The following CRYZL1 variants were observed in gnomAD, a reference collection of about 807,000 sequenced individuals.
CRYZL1 encodes the protein crystallin zeta like 1, also known as ferry endosomal RAB5 effector complex subunit 4.
Under a neutral mutation model 50.6 loss-of-function variants are expected in CRYZL1, and 34 were observed. The observed-to-expected ratio is 0.67, with a 90% CI of 0.51 to 0.89. The LOEUF (loss-of-function observed/expected upper bound fraction) is 0.89, where lower values mean the gene tolerates loss of function less well. Ranked by LOEUF, CRYZL1 falls within the 40% of genes least tolerant of loss-of-function variation. The probability of loss-of-function intolerance (pLI) is 0.00; values close to 1 mark genes in which losing one functional copy is unlikely to be tolerated. For synonymous variants in CRYZL1, 125 were observed against 134.3 expected, an observed-to-expected ratio of 0.93 and a Z score of 0.48; for missense variants, 354 against 402.3, an observed-to-expected ratio of 0.88 and a Z score of 1.03.
intron 6 of CRYZL1, among the ~76,000 whole-genome samples, chr21:33,608,567 T>A (rs898421367): frequency 1.3e-5 from 2 of 152,218 alleles, no homozygotes; most frequent in Admixed American, 6.5e-5. Flanking sequence ...GCCACCATTC[T>A]ACTCTCTGCC....
intron 1 of CRYZL1, chr21:33,639,669 C>T (rs1235276643): frequency 1.3e-5 from 2 of 152,222 alleles, no homozygotes; most frequent in Non-Finnish European, 2.9e-5. Flanking sequence ...TGTAGAGAAA[C>T]CACTTCTTGC....
chr21:33,623,601 G>C (rs990903666), intron 3 of CRYZL1, among the ~76,000 whole-genome samples: 3 of 152,136 alleles, frequency 2.0e-5, no homozygotes, highest in African/African-American at 7.2e-5. Context: ...CTCAAGTCAT[G>C]CTCATGTTAC....
At chr21:33,640,165 T>C (rs1212566399) in intron 1 of CRYZL1, 1 of 1,548,676 alleles carries the variant, frequency 6.5e-7, no homozygotes, top group Non-Finnish European at 8.7e-7. Flanking sequence ...AAAACTCTCC[T>C]GAGCTCAATG....
At chr21:33,617,395 T>C (rs1483768292) in intron 4 of CRYZL1, among the ~76,000 whole-genome samples, 1 of 152,232 alleles carries the variant, frequency 6.6e-6, no homozygotes, top group Non-Finnish European at 1.5e-5. Context: ...TATTGTTTTC[T>C]ACTCCTCCTG....
intron 6 of CRYZL1, among the ~76,000 whole-genome samples, chr21:33,612,367 A>T (rs1471314149): frequency 6.6e-6 from 1 of 150,842 alleles, no homozygotes; most frequent in Non-Finnish European, 1.5e-5. Context: ...GCTCCCTGTA[A>T]CCTCCACCTC....
At chr21:33,626,394 T>C (rs892929323) in intron 2 of CRYZL1, among the ~76,000 whole-genome samples, 11 of 152,204 alleles carry the variant, frequency 7.2e-5, no homozygotes, top group South Asian at 2.1e-4. Context: ...ATTCCACTTC[T>C]AGATAGAAAT....
intron 1 of CRYZL1, among the ~76,000 whole-genome samples, chr21:33,634,144 C>T (rs566266920): frequency 9.3e-4 from 142 of 152,282 alleles, no homozygotes; most frequent in Middle Eastern, 3.4e-3. Flanking sequence ...TTAATTCTAA[C>T]GCTTTGGTTG....
chr21:33,596,223 TACATAA>T, intron 10 of CRYZL1: 1 of 470,882 alleles, frequency 2.1e-6, no homozygotes, highest in Non-Finnish European at 4.3e-6. Context: ...CCTTGAGAGA[TACATAA>T]ACATATATAG....
intron 1 of CRYZL1, among the ~76,000 whole-genome samples, chr21:33,637,030 C>T (rs1210394909): frequency 6.6e-6 from 1 of 152,160 alleles, no homozygotes; most frequent in Non-Finnish European, 1.5e-5. Context: ...ACAAATCATT[C>T]CTTACCTACA....
intron 2 of CRYZL1, among the ~76,000 whole-genome samples, chr21:33,628,947 C>A (rs1004438399): frequency 1.3e-5 from 2 of 151,764 alleles, no homozygotes; most frequent in African/African-American, 4.8e-5. Flanking sequence ...AACTACTACT[C>A]GGCCAGGCGC....
At chr21:33,611,738 A>C (rs2086874858) in intron 6 of CRYZL1, among the ~76,000 whole-genome samples, 1 of 152,360 alleles carries the variant, frequency 6.6e-6, no homozygotes, top group South Asian at 2.1e-4. Context: ...TGGCTGTACC[A>C]CTGGAGTCCT....
At chr21:33,598,213 A>G (rs1339075357) in intron 9 of CRYZL1, among the ~76,000 whole-genome samples, 1 of 152,252 alleles carries the variant, frequency 6.6e-6, no homozygotes, top group Non-Finnish European at 1.5e-5. Context: ...GACTCAAGAT[A>G]GTCTTAACAT....
At chr21:33,611,944 G>A (rs1032559662) in intron 6 of CRYZL1, among the ~76,000 whole-genome samples, 5 of 152,180 alleles carry the variant, frequency 3.3e-5, no homozygotes, top group African/African-American at 1.2e-4. Context: ...TGCTGTTTGT[G>A]AGAGTCATCC....
chr21:33,631,676 A>G (rs2145959552), intron 1 of CRYZL1, 119 bp from the exon 2 acceptor site: 1 of 542,868 alleles, frequency 1.8e-6, no homozygotes, highest in African/African-American at 2.0e-5. Flanking sequence ...TAGTTTTCAA[A>G]TAAGTAAATT....
chr21:33,641,358 A>G (rs2087326253), intron 1 of CRYZL1: 1 of 1,515,222 alleles, frequency 6.6e-7, no homozygotes, highest in Non-Finnish European at 8.8e-7. Flanking sequence ...AGGAACAAGA[A>G]GCAGAGGAGA....
At chr21:33,625,377 G>A (rs1403497523) in intron 2 of CRYZL1, among the ~76,000 whole-genome samples, 3 of 151,956 alleles carry the variant, frequency 2.0e-5, no homozygotes, top group Admixed American at 6.6e-5. Flanking sequence ...GGATGGTCTC[G>A]ATCTCCTGAC....
chr21:33,605,373 C>T (rs1352686801), intron 6 of CRYZL1, among the ~76,000 whole-genome samples: 1 of 151,816 alleles, frequency 6.6e-6, no homozygotes, highest in African/African-American at 2.4e-5. Flanking sequence ...TTATCAATGG[C>T]TTTACACTGT....
chr21:33,635,937 C>T (rs1476567945), intron 1 of CRYZL1, among the ~76,000 whole-genome samples: 3 of 151,920 alleles, frequency 2.0e-5, no homozygotes, highest in Non-Finnish European at 2.9e-5. Flanking sequence ...GCTGAGATCG[C>T]GCCACTGCAC....
At chr21:33,611,116 C>T (rs756712109) in intron 6 of CRYZL1, among the ~76,000 whole-genome samples, 8 of 152,248 alleles carry the variant, frequency 5.3e-5, no homozygotes, top group African/African-American at 1.9e-4. Flanking sequence ...ACAACGTACT[C>T]GAAAGAACAG....
Sources: gnomAD v4.1 joint callset for allele counts (sites outside exome capture counted in the v4.1 genomes callset) on GRCh38, gnomAD v4.1.1 for gene constraint, MANE v1.5 for transcripts, NCBI Gene and HGNC (gene_info 2026-07-23, HGNC 2026-07-21) for gene names.